The following NELL1 variants were observed in gnomAD, a reference collection of about 807,000 sequenced individuals.
The protein encoded by NELL1 is neural EGFL like 1, also known as protein kinase C-binding protein NELL1.
A neutral mutation model predicts 107.4 loss-of-function variants in NELL1; 76 were observed. The observed-to-expected ratio is 0.71, with a 90% confidence interval of 0.59 to 0.86. The LOEUF (loss-of-function observed/expected upper bound fraction) is 0.86, where lower values mean the gene tolerates loss of function less well. Ranked by LOEUF, NELL1 falls within the 40% of genes least tolerant of loss-of-function variation. The probability of loss-of-function intolerance (pLI) is 0.00; values close to 1 mark genes in which losing one functional copy is unlikely to be tolerated. For missense variants in NELL1, 1,024 were observed against 1,005.5 expected, an observed-to-expected ratio of 1.02 and a Z score of -0.25; for synonymous variants, 353 against 341.2, an observed-to-expected ratio of 1.03 and a Z score of -0.38.
chr11:20,694,800 A>G (rs762532343), intron 2 of NELL1, among the ~76,000 whole-genome samples: 1 of 151,830 alleles, frequency 6.6e-6, no homozygotes, highest in African/African-American at 2.4e-5. Context: ...CATACATTTT[A>G]GTGTAGGTTT....
At chr11:20,840,766 G>T (rs149275903) in intron 3 of NELL1, among the ~76,000 whole-genome samples, 32 of 152,352 alleles carry the variant, frequency 2.1e-4, no homozygotes, top group Admixed American at 3.3e-4. Context: ...TCAAGGGGAG[G>T]AGACACAGTT....
chr11:20,877,177 T>A (rs774285041), intron 4 of NELL1, among the ~76,000 whole-genome samples: 1 of 152,190 alleles, frequency 6.6e-6, no homozygotes, highest in Non-Finnish European at 1.5e-5. Context: ...TAATGCCAGC[T>A]AAAAGGCAGT....
chr11:20,765,343 T>C (rs1380858986), intron 2 of NELL1, among the ~76,000 whole-genome samples: 1 of 152,182 alleles, frequency 6.6e-6, no homozygotes, highest in African/African-American at 2.4e-5. Flanking sequence ...TTACCAGTCA[T>C]CCATCCATCC....
chr11:21,111,470 T>A (rs1855105732), intron 12 of NELL1, among the ~76,000 whole-genome samples: 1 of 152,102 alleles, frequency 6.6e-6, no homozygotes, highest in Non-Finnish European at 1.5e-5. Context: ...AGTCATTCTC[T>A]GCACCAATCA....
chr11:20,971,873 CA>C (rs1342355063), intron 12 of NELL1, among the ~76,000 whole-genome samples: 1 of 152,116 alleles, frequency 6.6e-6, no homozygotes, highest in Admixed American at 6.6e-5. Context: ...ATGTCCTTTG[CA>C]GGGACATGGA....
intron 2 of NELL1, among the ~76,000 whole-genome samples, chr11:20,755,865 G>GTTTTTTGTTTTTT (rs1856268061): frequency 8.2e-6 from 1 of 122,070 alleles, no homozygotes; most frequent in Non-Finnish European, 1.7e-5. Flanking sequence ...CAGACCTGCG[G>GTTTTTTGTTTTTT]TTTTTTTTTT....
chr11:21,290,186 G>C (rs965287553), intron 14 of NELL1, among the ~76,000 whole-genome samples: 1 of 151,902 alleles, frequency 6.6e-6, no homozygotes, highest in African/African-American at 2.4e-5. Flanking sequence ...TGTCTAACAC[G>C]GTGAAACCCC....
chr11:20,891,665 A>G (rs919479883), intron 5 of NELL1, among the ~76,000 whole-genome samples: 1 of 152,180 alleles, frequency 6.6e-6, no homozygotes, highest in African/African-American at 2.4e-5. Flanking sequence ...GGGATGGAGG[A>G]AAATTTACCA....
intron 15 of NELL1, among the ~76,000 whole-genome samples, chr11:21,511,011 C>T (rs1330630976): frequency 6.6e-6 from 1 of 152,164 alleles, no homozygotes; most frequent in African/African-American, 2.4e-5. Flanking sequence ...GTTCAAACTT[C>T]TCTGAGACTG....
intron 11 of NELL1, 75 bp downstream of exon 11, chr11:20,947,510 A>C (rs1850988456): frequency 9.6e-7 from 1 of 1,045,340 alleles, no homozygotes; most frequent in Admixed American, 1.7e-5. Flanking sequence ...ATTTTAATGA[A>C]TAGTATGATA....
intron 12 of NELL1, among the ~76,000 whole-genome samples, chr11:21,018,771 G>A (rs942159985): frequency 6.6e-6 from 1 of 152,096 alleles, no homozygotes; most frequent in African/African-American, 2.4e-5. Flanking sequence ...GAAATTTTTA[G>A]CGAGTGGGTT....
At chr11:21,245,892 A>G (rs1259875746) in intron 14 of NELL1, among the ~76,000 whole-genome samples, 16 of 152,164 alleles carry the variant, frequency 1.1e-4, no homozygotes, top group Admixed American at 1.0e-3. Context: ...TTAAGAGTCA[A>G]TAAATAAGGA....
chr11:21,165,652 C>G (rs962918692), intron 13 of NELL1, among the ~76,000 whole-genome samples: 1 of 149,324 alleles, frequency 6.7e-6, no homozygotes, highest in Non-Finnish European at 1.5e-5. Flanking sequence ...TTCACAATAG[C>G]CAAGATTTGG....
At chr11:20,939,751 C>T (rs1372807061) in intron 10 of NELL1, among the ~76,000 whole-genome samples, 1 of 152,082 alleles carries the variant, frequency 6.6e-6, no homozygotes, top group Non-Finnish European at 1.5e-5. Flanking sequence ...TAAATGCTCT[C>T]TTCATTAGGT....
intron 15 of NELL1, among the ~76,000 whole-genome samples, chr11:21,430,999 A>T (rs547687303): frequency 1.4e-3 from 220 of 152,322 alleles, no homozygotes; most frequent in African/African-American, 5.1e-3. Flanking sequence ...AAAACTGTAC[A>T]AAGAAAAAAA....
At chr11:21,283,944 A>G in intron 14 of NELL1, 1 of 323,062 alleles carries the variant, frequency 3.1e-6, no homozygotes, top group South Asian at 2.7e-5. Context: ...GGTGGGCAGC[A>G]CACAGTGACT....
chr11:21,077,843 G>A (rs909529104), intron 12 of NELL1, among the ~76,000 whole-genome samples: 2 of 151,796 alleles, frequency 1.3e-5, no homozygotes, highest in South Asian at 4.2e-4. Flanking sequence ...AAATTAAGAA[G>A]TTGTCTTAGA....
chr11:20,943,319 G>T (rs1469666933), intron 10 of NELL1, among the ~76,000 whole-genome samples: 1 of 151,796 alleles, frequency 6.6e-6, no homozygotes, highest in Non-Finnish European at 1.5e-5. Flanking sequence ...ATTTATCTCG[G>T]CCGGGCATGC....
At chr11:21,397,071 TTTC>T (rs1379222968) in intron 15 of NELL1, among the ~76,000 whole-genome samples, 1 of 151,638 alleles carries the variant, frequency 6.6e-6, no homozygotes, top group East Asian at 1.9e-4. Flanking sequence ...GTGTCAAAAG[TTTC>T]TTCTTAACTA....
Sources: allele counts gnomAD v4.1 joint callset (sites outside exome capture counted in the v4.1 genomes callset), GRCh38; gene constraint gnomAD v4.1.1; transcripts MANE v1.5; gene names NCBI Gene and HGNC (gene_info 2026-07-23, HGNC 2026-07-21).